The following CACNG2 variants were observed in gnomAD, a reference collection of about 807,000 sequenced individuals.
CACNG2 encodes the protein calcium voltage-gated channel auxiliary subunit gamma 2.
CACNG2 carries 3 observed loss-of-function variants against 25.9 expected under a neutral mutation model. The ratio of observed to expected loss-of-function variants is 0.12; its 90% confidence interval spans 0.05 to 0.30. The LOEUF (loss-of-function observed/expected upper bound fraction) is 0.30. Among genes scored for constraint, CACNG2 ranks in the 10% least tolerant of loss-of-function variants. CACNG2 has a pLI of 1.00. For synonymous variants in CACNG2, 167 were observed against 173.3 expected (o/e 0.96, Z 0.29); for missense variants, 341 against 432.5 (o/e 0.79, Z 1.88).
chr22:36,599,411 T>G (rs1434252807), intron 1 of CACNG2, among the ~76,000 whole-genome samples: 2 of 151,966 alleles, frequency 1.3e-5, no homozygotes, highest in Admixed American at 6.6e-5. Flanking sequence ...AGTTTAAGAG[T>G]GTTTGCAGCT....
At chr22:36,570,057 C>T (rs1041220496) in intron 2 of CACNG2, among the ~76,000 whole-genome samples, 2 of 152,210 alleles carry the variant, frequency 1.3e-5, no homozygotes, top group African/African-American at 4.8e-5. Flanking sequence ...TGCAGGTCGC[C>T]GACCCAATTG....
intron 1 of CACNG2, among the ~76,000 whole-genome samples, chr22:36,639,086 G>C (rs767120668): frequency 6.6e-6 from 1 of 152,174 alleles, no homozygotes. Flanking sequence ...TCTGAGGCAG[G>C]TGTTCCAGGT....
intron 1 of CACNG2, among the ~76,000 whole-genome samples, chr22:36,662,132 C>A (rs1200888846): frequency 6.6e-6 from 1 of 151,832 alleles, no homozygotes; most frequent in East Asian, 1.9e-4. Flanking sequence ...GCACACACCA[C>A]CAAACCTGGC....
At position 36,700,760 on chromosome 22, in the gene CACNG2, G is replaced by A. The variant is rs573322277; in HGVS notation, c.211+1606C>T. 2.0e-5 allele frequency among the ~76,000 whole-genome samples: 3 copies of A among 152,282 alleles called. No homozygotes were observed. In the South Asian group the frequency reaches 6.2e-4, roughly 32 times the overall value. On this transcript the variant is annotated intron_variant, in intron 1 of 3. Transcript: ENST00000300105. ...TCTTGATATTGATTTTCTGGCTGGG[G>A]AAGAGCATATAGTATTCAGCATAGA...
At position 36,633,736 on chromosome 22, in the gene CACNG2, C is replaced by T. The variant is rs143334501; in HGVS notation, c.212-46188G>A. ...ATCTGAATATGTCAAGTTTATAAGA[C>T]GTGGGCTTTAGAACAGGAATATGTA... On this transcript the variant is annotated intron_variant, in intron 1 of 3. Coordinates refer to ENST00000300105, the MANE Select transcript of CACNG2 (RefSeq NM_006078.5). 2.5e-3 allele frequency among the ~76,000 whole-genome samples: 387 copies of T among 152,268 alleles called. 3 individuals are homozygous for T. Among genetic ancestry groups the T allele is most frequent in the African/African-American group, 8.7e-3 (363 of 41,528 alleles).
chr22:36,599,655 A>G (rs1935725546), intron 1 of CACNG2, among the ~76,000 whole-genome samples: 1 of 152,170 alleles, frequency 6.6e-6, no homozygotes, highest in Non-Finnish European at 1.5e-5. Flanking sequence ...AGCCATGATC[A>G]TGCTACTGCA....
intron 1 of CACNG2, among the ~76,000 whole-genome samples, chr22:36,696,889 G>A (rs1310963970): frequency 6.6e-6 from 1 of 152,180 alleles, no homozygotes; most frequent in Non-Finnish European, 1.5e-5. Context: ...GAGGGTTAGA[G>A]GGGTTGAGTA....
intron 1 of CACNG2, among the ~76,000 whole-genome samples, chr22:36,660,823 TGCTAAA>T (rs1936781388): frequency 6.6e-6 from 1 of 152,244 alleles, no homozygotes; most frequent in Non-Finnish European, 1.5e-5. Context: ...CAACCTACTC[TGCTAAA>T]GTTTTTTAAA....
intron 1 of CACNG2, among the ~76,000 whole-genome samples, chr22:36,693,862 G>A (rs947897452): frequency 1.5e-4 from 23 of 152,116 alleles, no homozygotes; most frequent in Non-Finnish European, 2.8e-4. Context: ...TCCCCTGTGC[G>A]TACATTTCAT....
At chr22:36,607,375 C>T (rs1229089311) in intron 1 of CACNG2, among the ~76,000 whole-genome samples, 1 of 152,144 alleles carries the variant, frequency 6.6e-6, no homozygotes, top group Non-Finnish European at 1.5e-5. Context: ...CCCATCTCAG[C>T]CTCCTGAGTA....
At chr22:36,587,334 G>T in intron 2 of CACNG2, 131 bp downstream of exon 2, 1 of 767,712 alleles carries the variant, frequency 1.3e-6, no homozygotes. Context: ...CCGGAAAGGA[G>T]AGAGGCTTAG....
At chr22:36,694,188 T>C (rs140632068) in intron 1 of CACNG2, among the ~76,000 whole-genome samples, 3 of 152,370 alleles carry the variant, frequency 2.0e-5, no homozygotes, top group African/African-American at 7.2e-5. Context: ...CCGTCTTCTT[T>C]TGATTCTAAG....
rs1037548266 is a variant in CACNG2 at position 36,696,837 on chromosome 22, G to C, written c.211+5529C>G. On this transcript the variant is annotated intron_variant, in intron 1 of 3. Transcript: ENST00000300105. Reference sequence around the variant, plus strand: ...ATCCCTAAGCCAGCAACTGCCCTTCGAGGAGGAGATTATGCCTCCTTTTTT... The same window carrying C: ...ATCCCTAAGCCAGCAACTGCCCTTCCAGGAGGAGATTATGCCTCCTTTTTT... Among the ~76,000 whole-genome samples the C allele has an allele frequency of 5.3e-5, 8 of 152,166 alleles. No homozygotes were observed. The East Asian group carries it at 1.5e-3, about 29-fold the overall frequency.
intron 1 of CACNG2, among the ~76,000 whole-genome samples, chr22:36,620,589 T>C (rs773782689): frequency 1.3e-5 from 2 of 152,244 alleles, no homozygotes; most frequent in Non-Finnish European, 2.9e-5. Context: ...ATTCCAGCAA[T>C]ATTATTGACT....
intron 1 of CACNG2, among the ~76,000 whole-genome samples, chr22:36,652,325 G>T (rs929065973): frequency 6.6e-6 from 1 of 152,084 alleles, no homozygotes; most frequent in African/African-American, 2.4e-5. Context: ...CTTCCTAGGA[G>T]CCTAGGATGA....
At chr22:36,565,009 C>G in intron 3 of CACNG2, 123 bp from the exon 4 acceptor site, 2 of 827,710 alleles carry the variant, frequency 2.4e-6, no homozygotes, top group Non-Finnish European at 4.1e-6. Flanking sequence ...GGTCCCGCGC[C>G]TTCATGAACA....
chr22:36,613,154 CTCTGTGTG>C (rs988440446), intron 1 of CACNG2, among the ~76,000 whole-genome samples: 10 of 73,900 alleles, frequency 1.4e-4, no homozygotes, highest in African/African-American at 3.2e-4. Flanking sequence ...ATTACAGGCT[CTCTGTGTG>C]TGTGTGTGTG....
chr22:36,591,181 C>T (rs918280641), intron 1 of CACNG2, among the ~76,000 whole-genome samples: 11 of 151,842 alleles, frequency 7.2e-5, no homozygotes, highest in East Asian at 1.9e-4. Context: ...GAACTACAGG[C>T]GCCCGCCACT....
At chr22:36,623,164 G>A (rs1246532279) in intron 1 of CACNG2, among the ~76,000 whole-genome samples, 1 of 151,266 alleles carries the variant, frequency 6.6e-6, no homozygotes, top group Admixed American at 6.6e-5. Context: ...GGGATTACAG[G>A]CATGCACCTC....
Sources: gnomAD v4.1 joint callset for allele counts (sites outside exome capture counted in the v4.1 genomes callset) on GRCh38, gnomAD v4.1.1 for gene constraint, MANE v1.5 for transcripts, NCBI Gene and HGNC (gene_info 2026-07-23, HGNC 2026-07-21) for gene names.